Variants in LRMDA observed in about 807,000 individuals in gnomAD.
LRMDA encodes leucine-rich melanocyte differentiation-associated protein.
A neutral mutation model predicts 29.8 loss-of-function variants in LRMDA; 18 were observed. That is an observed-to-expected ratio of 0.60 (90% CI 0.42 to 0.90). LRMDA has a LOEUF of 0.90. LRMDA is among the 40% of genes least tolerant of loss of function. LRMDA has a pLI of 0.00. For missense variants in LRMDA, 273 were observed against 273.9 expected (o/e 1.00, Z 0.02); for synonymous variants, 125 against 109.4 (o/e 1.14, Z -0.89).
intron 2 of LRMDA, among the ~76,000 whole-genome samples, chr10:75,805,850 T>G (rs1193125467): frequency 6.6e-6 from 1 of 152,196 alleles, no homozygotes; most frequent in Non-Finnish European, 1.5e-5. Context: ...CAGTGTTGTA[T>G]TTTTGAGGAT....
intron 2 of LRMDA, among the ~76,000 whole-genome samples, chr10:75,786,749 G>C (rs539050868): frequency 2.0e-5 from 3 of 152,178 alleles, no homozygotes; most frequent in Non-Finnish European, 4.4e-5. Flanking sequence ...TGGTTCTCTA[G>C]ATATTTTTTT....
intron 5 of LRMDA, among the ~76,000 whole-genome samples, chr10:76,083,609 A>G (rs1849082246): frequency 6.6e-6 from 1 of 152,142 alleles, no homozygotes; most frequent in East Asian, 1.9e-4. Flanking sequence ...TGGGTGGATC[A>G]CCTGAGATCA....
At chr10:76,334,076 G>A (rs945464431) in intron 6 of LRMDA, among the ~76,000 whole-genome samples, 4 of 152,210 alleles carry the variant, frequency 2.6e-5, no homozygotes, top group African/African-American at 4.8e-5. Flanking sequence ...ACAAAAAGCA[G>A]GCAGAGCAGC....
chr10:75,691,647 G>A (rs1842158096), intron 2 of LRMDA, among the ~76,000 whole-genome samples: 1 of 152,112 alleles, frequency 6.6e-6, no homozygotes, highest in South Asian at 2.1e-4. Flanking sequence ...AATGTGCTTT[G>A]GGAAAGAGGG....
intron 2 of LRMDA, among the ~76,000 whole-genome samples, chr10:75,893,376 G>T (rs1230711577): frequency 6.6e-6 from 1 of 152,204 alleles, no homozygotes; most frequent in African/African-American, 2.4e-5. Flanking sequence ...AGCAGGGAAT[G>T]ACATTGGCCA....
At chr10:75,533,039 A>G (rs1036525950) in intron 2 of LRMDA, among the ~76,000 whole-genome samples, 2 of 152,190 alleles carry the variant, frequency 1.3e-5, no homozygotes, top group Non-Finnish European at 2.9e-5. Context: ...AGTATGCCTT[A>G]TTACTCAAAG....
intron 2 of LRMDA, among the ~76,000 whole-genome samples, chr10:76,018,925 C>G (rs546530734): frequency 2.1e-3 from 316 of 152,138 alleles, no homozygotes; most frequent in Non-Finnish European, 4.0e-3. Context: ...CATAATCTTA[C>G]AGATTTTAAA....
intron 2 of LRMDA, among the ~76,000 whole-genome samples, chr10:75,638,036 A>G (rs999312493): frequency 3.3e-5 from 5 of 152,154 alleles, no homozygotes; most frequent in Admixed American, 2.0e-4. Context: ...GTCGTTTCCA[A>G]ATCTTTTTTT....
At chr10:75,480,763 G>A (rs1276338046) in intron 2 of LRMDA, among the ~76,000 whole-genome samples, 2 of 152,202 alleles carry the variant, frequency 1.3e-5, no homozygotes, top group African/African-American at 4.8e-5. Flanking sequence ...GTGCAGGTTA[G>A]CAGATGAGTT....
intron 2 of LRMDA, among the ~76,000 whole-genome samples, chr10:75,542,374 A>G (rs186922102): frequency 6.6e-6 from 1 of 152,192 alleles, no homozygotes; most frequent in East Asian, 1.9e-4. Context: ...GAGTGTTTGC[A>G]CTTTCACAGA....
intron 5 of LRMDA, among the ~76,000 whole-genome samples, chr10:76,075,270 T>A (rs1218036213): frequency 6.6e-6 from 1 of 152,212 alleles, no homozygotes; most frequent in East Asian, 1.9e-4. Context: ...TGGGCCCTAA[T>A]CCATCTGGCT....
At chr10:76,368,918 A>C (rs1589154002) in intron 6 of LRMDA, among the ~76,000 whole-genome samples, 1 of 152,112 alleles carries the variant, frequency 6.6e-6, no homozygotes, top group East Asian at 1.9e-4. Context: ...AAGAATAGCT[A>C]CCCCTACTTG....
chr10:75,718,254 G>A (rs982146281), intron 2 of LRMDA, among the ~76,000 whole-genome samples: 2 of 152,200 alleles, frequency 1.3e-5, no homozygotes, highest in African/African-American at 4.8e-5. Flanking sequence ...GCTTCATCCT[G>A]CAGGTCTGTG....
intron 6 of LRMDA, among the ~76,000 whole-genome samples, chr10:76,463,492 A>G (rs1842533134): frequency 6.6e-6 from 1 of 152,214 alleles, no homozygotes; most frequent in African/African-American, 2.4e-5. Context: ...TGGATTGGCA[A>G]CAGGATTCAG....
intron 2 of LRMDA, among the ~76,000 whole-genome samples, chr10:75,657,915 C>T (rs1841699041): frequency 6.6e-6 from 1 of 152,066 alleles, no homozygotes; most frequent in African/African-American, 2.4e-5. Context: ...AGTGTGTATG[C>T]TCTGCCATGG....
intron 2 of LRMDA, among the ~76,000 whole-genome samples, chr10:75,774,543 G>T (rs1359553350): frequency 6.6e-6 from 1 of 152,124 alleles, no homozygotes; most frequent in East Asian, 1.9e-4. Context: ...TGCAGGCCAA[G>T]TTGAGAACGA....
chr10:76,288,911 T>C (rs1428025809), intron 5 of LRMDA, among the ~76,000 whole-genome samples: 6 of 152,148 alleles, frequency 3.9e-5, no homozygotes, highest in Non-Finnish European at 7.4e-5. Context: ...TCTCTGCCCA[T>C]GATGATAAAG....
intron 2 of LRMDA, among the ~76,000 whole-genome samples, chr10:76,013,592 A>G (rs1847823450): frequency 6.6e-6 from 1 of 152,062 alleles, no homozygotes; most frequent in South Asian, 2.1e-4. Flanking sequence ...AACAGGTAAA[A>G]TGTGTTAATA....
chr10:75,812,108 A>ATTTTTTTTTTTTTTTTT (rs67846089), intron 2 of LRMDA, among the ~76,000 whole-genome samples: 5 of 46,284 alleles, frequency 1.1e-4, no homozygotes, highest in African/African-American at 3.6e-4. Context: ...TTTAATTGTG[A>ATTTTTTTTTTTTTTTTT]TTTTTTTTTT....
Sources: gnomAD v4.1 joint callset for allele counts (sites outside exome capture counted in the v4.1 genomes callset) on GRCh38, gnomAD v4.1.1 for gene constraint, MANE v1.5 for transcripts, NCBI Gene and HGNC (gene_info 2026-07-23, HGNC 2026-07-21) for gene names.